Variants in SLC49A4 observed in about 807,000 individuals in gnomAD.
SLC49A4 encodes the protein disrupted in renal cancer protein 2.
Under a neutral mutation model 50.6 loss-of-function variants are expected in SLC49A4, and 36 were observed. That is an observed-to-expected ratio of 0.71 (90% CI 0.55 to 0.94). SLC49A4 has a LOEUF of 0.94. Among genes scored for constraint, SLC49A4 ranks in the 40% least tolerant of loss-of-function variants. SLC49A4 has a pLI of 0.00. For missense variants in SLC49A4, 503 were observed against 605.7 expected (o/e 0.83, Z 1.78); for synonymous variants, 248 against 241.2 (o/e 1.03, Z -0.26).
chr3:122,857,847 C>A (rs1028460618), intron 6 of SLC49A4, among the ~76,000 whole-genome samples: 1 of 152,048 alleles, frequency 6.6e-6, no homozygotes, highest in African/African-American at 2.4e-5. Flanking sequence ...AATTATGTAT[C>A]AAAAATGATG....
In SLC49A4 at chr3:122,802,847, A is replaced by G. The variant is rs371306458; in HGVS notation, c.344-4010A>G. The stretch of plus-strand genomic sequence containing the variant: ...TGTGACTTGAGTATATAGCACTAGA[A>G]ACTGTCCACAATGGAACACAGAGAA... On this transcript the variant is annotated intron_variant, in intron 1 of 8. Transcript: ENST00000261038. Among the ~76,000 whole-genome samples, 13 of 152,302 alleles carry G rather than the reference A, an allele frequency of 8.5e-5. 2 individuals are homozygous for G. Among genetic ancestry groups the G allele is most frequent in the East Asian group, 1.9e-4 (1 of 5,188 alleles).
intron 8 of SLC49A4, among the ~76,000 whole-genome samples, chr3:122,877,174 A>G (rs1239183184): frequency 6.6e-6 from 1 of 152,218 alleles, no homozygotes; most frequent in Non-Finnish European, 1.5e-5. Flanking sequence ...TAAGCAAGTC[A>G]TTTCCTTGCT....
Position 122,872,411 on chromosome 3 carries a change from T to A in SLC49A4, c.1139-4T>A. On this transcript the variant is annotated splice_polypyrimidine_tract_variant and splice_region_variant and intron_variant, in intron 7 of 8. Coordinates refer to ENST00000261038, the MANE Select transcript of SLC49A4 (RefSeq NM_032839.3). ...AAACTAAAATGTTTGTGTTTTTATT[T>A]TAGTGACATTGTATGCCTCCTGTAT... 8.7e-6 allele frequency: 14 copies of A among 1,601,312 alleles called. No homozygotes were observed. The highest frequency in any genetic ancestry group is 1.2e-5 in the Non-Finnish European group (14 of 1,175,718).
chr3:122,800,020 A>G (rs1314492257), intron 1 of SLC49A4, among the ~76,000 whole-genome samples: 1 of 152,254 alleles, frequency 6.6e-6, no homozygotes, highest in African/African-American at 2.4e-5. Flanking sequence ...AATTGGATAT[A>G]CAAGTATGGA....
At chr3:122,826,099 TCTC>T (rs1243416748) in intron 2 of SLC49A4, among the ~76,000 whole-genome samples, 3 of 152,150 alleles carry the variant, frequency 2.0e-5, no homozygotes, top group African/African-American at 4.8e-5. Context: ...CTTCAGCTGA[TCTC>T]CTCATTTCAC....
At chr3:122,826,754 A>G in intron 2 of SLC49A4, 46 bp from the exon 3 acceptor site, 1 of 1,590,798 alleles carries the variant, frequency 6.3e-7, no homozygotes, top group Non-Finnish European at 8.6e-7. Context: ...GTCTTAGAAA[A>G]TGCCTGTTTC....
chr3:122,807,665 C>T (rs1174851181), intron 2 of SLC49A4, among the ~76,000 whole-genome samples: 1 of 152,114 alleles, frequency 6.6e-6, no homozygotes, highest in Non-Finnish European at 1.5e-5. Flanking sequence ...GTTTCCGAGA[C>T]TGGGGTCCTT....
At chr3:122,817,211 A>T (rs999497468) in intron 2 of SLC49A4, among the ~76,000 whole-genome samples, 3 of 152,212 alleles carry the variant, frequency 2.0e-5, no homozygotes, top group Non-Finnish European at 4.4e-5. Context: ...AGAAAGGTAG[A>T]TAGATTTGAG....
intron 5 of SLC49A4, among the ~76,000 whole-genome samples, chr3:122,849,641 A>G (rs1279681167): frequency 4.6e-5 from 7 of 151,594 alleles, no homozygotes; most frequent in Admixed American, 1.3e-4. Flanking sequence ...AGAAATGTCT[A>G]TTCAGGTCTT....
At chr3:122,853,361 A>G (rs772649482) in intron 5 of SLC49A4, among the ~76,000 whole-genome samples, 1 of 152,210 alleles carries the variant, frequency 6.6e-6, no homozygotes, top group Non-Finnish European at 1.5e-5. Flanking sequence ...CACCTTTACT[A>G]TAATAAGAAA....
At chr3:122,807,171 C>T (rs1560194609) in intron 2 of SLC49A4, among the ~76,000 whole-genome samples, 1 of 151,712 alleles carries the variant, frequency 6.6e-6, no homozygotes, top group Non-Finnish European at 1.5e-5. Flanking sequence ...CAATAATAAT[C>T]ATGTGAAAAT....
At chr3:122,836,695 G>A (rs1482932090) in intron 4 of SLC49A4, among the ~76,000 whole-genome samples, 1 of 152,140 alleles carries the variant, frequency 6.6e-6, no homozygotes, top group Non-Finnish European at 1.5e-5. Flanking sequence ...TCAACATAGT[G>A]TTGGAAGTTC....
Position 122,802,966 on chromosome 3 carries a change from T to G in SLC49A4, c.344-3891T>G, listed in dbSNP as rs368890678. 9.9e-5 allele frequency among the ~76,000 whole-genome samples: 15 copies of G among 152,110 alleles called. 2 individuals are homozygous for G. The highest frequency in any genetic ancestry group is 1.9e-4 in the East Asian group (1 of 5,172). On this transcript the variant is annotated intron_variant, in intron 1 of 8. Transcript: ENST00000261038. ...TAATATGCATGTAATTGGAGTCTCA[T>G]AAGGAAAAGAGAGAGAAGTAAGCAG...
At chr3:122,870,874 A>G (rs1397171659) in intron 7 of SLC49A4, among the ~76,000 whole-genome samples, 1 of 151,584 alleles carries the variant, frequency 6.6e-6, no homozygotes, top group African/African-American at 2.4e-5. Context: ...TTTTAGAAAT[A>G]CAATACTCTA....
intron 5 of SLC49A4, 93 bp from the exon 6 acceptor site, chr3:122,856,214 A>G: frequency 2.7e-6 from 3 of 1,091,258 alleles, no homozygotes; most frequent in South Asian, 2.8e-5. Context: ...CCATTTAGCT[A>G]CTAACATATT....
chr3:122,827,129 C>G, intron 3 of SLC49A4, 64 bp downstream of exon 3: 1 of 1,535,894 alleles, frequency 6.5e-7, no homozygotes, highest in African/African-American at 1.4e-5. Flanking sequence ...CTTCACTCTA[C>G]TTTTTGTATA....
Position 122,845,880 on chromosome 3 carries a change from T to C in SLC49A4, c.942+9T>C. The C allele has an allele frequency of 6.4e-7, 1 of 1,567,540 alleles. No homozygotes were observed. The highest frequency in any genetic ancestry group is 8.7e-7 in the Non-Finnish European group (1 of 1,146,916). ...CAGCGCATGTCAGCCAAGTAAGTAT[T>C]TTATTTCTTTATATGTTGTAGGTAT... On this transcript the variant is annotated intron_variant, in intron 5 of 8. Transcript: ENST00000261038.
intron 4 of SLC49A4, among the ~76,000 whole-genome samples, chr3:122,839,146 G>C (rs530242319): frequency 6.6e-6 from 1 of 152,166 alleles, no homozygotes; most frequent in South Asian, 2.1e-4. Flanking sequence ...TTGGAGAAAG[G>C]ACACCCTATT....
chr3:122,812,082 T>C (rs577918564), intron 2 of SLC49A4, among the ~76,000 whole-genome samples: 203 of 152,160 alleles, frequency 1.3e-3, no homozygotes, highest in African/African-American at 4.6e-3. Flanking sequence ...CAGCCTCCCA[T>C]GTAGCTGGGA....
Sources: gnomAD v4.1 joint callset for allele counts (sites outside exome capture counted in the v4.1 genomes callset) on GRCh38, gnomAD v4.1.1 for gene constraint, MANE v1.5 for transcripts, NCBI Gene and HGNC (gene_info 2026-07-23, HGNC 2026-07-21) for gene names.